Variants in MARCHF6 observed in about 807,000 individuals in gnomAD.
The protein encoded by MARCHF6 is E3 ubiquitin-protein ligase MARCHF6.
Under a neutral mutation model 133.7 loss-of-function variants are expected in MARCHF6, and 31 were observed. That is an observed-to-expected ratio of 0.23 (90% CI 0.17 to 0.31). The LOEUF (loss-of-function observed/expected upper bound fraction) is 0.31. MARCHF6 is among the 10% of genes least tolerant of loss of function. The pLI, the probability that MARCHF6 is intolerant of heterozygous loss-of-function variation, is 1.00. For synonymous variants in MARCHF6, 395 were observed against 402.5 expected, an observed-to-expected ratio of 0.98 and a Z score of 0.22; for missense variants, 723 against 1,121.6, an observed-to-expected ratio of 0.64 and a Z score of 5.08.
At chr5:10,392,054 G>A (rs920018648) in intron 7 of MARCHF6, among the ~76,000 whole-genome samples, 1 of 151,696 alleles carries the variant, frequency 6.6e-6, no homozygotes. Flanking sequence ...CGCCTCCTGG[G>A]TTCACGCCAT....
intron 18 of MARCHF6, among the ~76,000 whole-genome samples, chr5:10,410,669 T>C (rs1045813736): frequency 3.9e-5 from 6 of 152,286 alleles, no homozygotes; most frequent in African/African-American, 1.4e-4. Context: ...CTAGTGAACA[T>C]GTTGCATTTT....
At chr5:10,353,959 C>CCCGGGTTCGTACCCCGG (rs1482787223) in intron 1 of MARCHF6, 42 bp downstream of exon 1, 6 of 1,529,752 alleles carry the variant, frequency 3.9e-6, no homozygotes, top group Admixed American at 2.0e-5. Context: ...TGCGTCGGCG[C>CCCGGGTTCGTACCCCGG]CCGGGTTCGT....
chr5:10,364,376 G>A (rs1448806330), intron 1 of MARCHF6, among the ~76,000 whole-genome samples: 1 of 152,146 alleles, frequency 6.6e-6, no homozygotes, highest in South Asian at 2.1e-4. Context: ...CCTGGAGTGT[G>A]TTGGGTCCTC....
At chr5:10,365,423 C>T (rs1022741874) in intron 1 of MARCHF6, among the ~76,000 whole-genome samples, 6 of 152,232 alleles carry the variant, frequency 3.9e-5, no homozygotes, top group Admixed American at 3.3e-4. Flanking sequence ...GCCTCAGCCT[C>T]CCGAGTAGCT....
chr5:10,395,204 C>G (rs1327238394), intron 9 of MARCHF6, among the ~76,000 whole-genome samples: 1 of 152,062 alleles, frequency 6.6e-6, no homozygotes, highest in Non-Finnish European at 1.5e-5. Context: ...CTTTTAATTA[C>G]TTTATATGTT....
chr5:10,387,628 A>C (rs1393321429), intron 5 of MARCHF6, among the ~76,000 whole-genome samples: 1 of 152,006 alleles, frequency 6.6e-6, no homozygotes, highest in Non-Finnish European at 1.5e-5. Flanking sequence ...ATAGGCTGTC[A>C]CGCAGTTTGA....
rs375253933 is a variant in MARCHF6 at position 10,407,174 on chromosome 5, T to A, written c.1525T>A (p.Phe509Ile). ...IRIIKSVLPN[F>I]LPYNVMLYSD... The stretch of plus-strand genomic sequence containing the variant: ...TATAATTAAGAGTGTGCTGCCTAAT[T>A]TTCTTCCATACAATGTCATGCTCTA... The change falls in exon 17 of 26, where the codon TTT (phenylalanine) becomes ATT (isoleucine). Residue 509 changes from phenylalanine (F) to isoleucine (I), a missense_variant. Coordinates refer to ENST00000274140, the MANE Select transcript of MARCHF6 (RefSeq NM_005885.4). 1.2e-6 allele frequency: 2 copies of A among 1,612,128 alleles called. No individual in the cohort carries two copies. Among genetic ancestry groups the A allele is most frequent in the Non-Finnish European group, 1.7e-6 (2 of 1,178,758 alleles).
chr5:10,362,014 C>T (rs540187141), intron 1 of MARCHF6, among the ~76,000 whole-genome samples: 63 of 152,208 alleles, frequency 4.1e-4, no homozygotes, highest in Admixed American at 1.8e-3. Flanking sequence ...CCGCCCACCT[C>T]GGCCTCCCAA....
intron 22 of MARCHF6, among the ~76,000 whole-genome samples, chr5:10,419,122 A>C (rs1739694236): frequency 6.6e-6 from 1 of 152,218 alleles, no homozygotes; most frequent in Non-Finnish European, 1.5e-5. Context: ...AATACAAAGA[A>C]GTACAGAACT....
Position 10,400,980 on chromosome 5 carries a change from C to CT in MARCHF6, c.972+144dup, listed in dbSNP as rs199736538. On this transcript the variant is annotated intron_variant, in intron 11 of 25. Transcript: ENST00000274140. The stretch of plus-strand genomic sequence containing the variant: ...AATAGTTAGGCAATACCGTCTCATT[C>CT]TTTTTTAAAAAAAATAACAGTGGCT... The CT allele has an allele frequency of 4.2e-3, 2,652 of 635,010 alleles. 15 individuals carry two copies. The highest frequency in any genetic ancestry group is 5.8e-3 in the Admixed American group (197 of 33,806). 39.3% of individuals were successfully genotyped at this position (635,010 alleles called of 1,614,324 possible). A position where few individuals can be genotyped will look rare whatever the true frequency, so the allele number is the denominator to read the frequency against.
rs541195519 is a variant in MARCHF6 at position 10,387,696 on chromosome 5, A to C, written c.407+630A>C. Among the ~76,000 whole-genome samples the C allele has an allele frequency of 3.3e-5, 5 of 152,056 alleles. No individual in the cohort carries two copies. The East Asian group carries it at 9.7e-4, about 29-fold the overall frequency. On this transcript the variant is annotated intron_variant, in intron 5 of 25. Coordinates refer to ENST00000274140, the MANE Select transcript of MARCHF6 (RefSeq NM_005885.4). ...TTTTTTGTTTTGTTTTTTTAAATGG[A>C]GCCTCGCTCTATTACCTGGGGTAGG...
chr5:10,375,374 G>A (rs180821108), intron 1 of MARCHF6, among the ~76,000 whole-genome samples: 8 of 152,338 alleles, frequency 5.3e-5, no homozygotes, highest in African/African-American at 1.7e-4. Flanking sequence ...ATTTCTTGCC[G>A]GGCCTTAGCT....
chr5:10,359,449 C>A (rs1735677916), intron 1 of MARCHF6, among the ~76,000 whole-genome samples: 1 of 151,942 alleles, frequency 6.6e-6, no homozygotes, highest in African/African-American at 2.4e-5. Context: ...TATTACAATA[C>A]ATATTGTAAG....
At chr5:10,404,031 C>CTTTATTTA (rs36021721) in intron 15 of MARCHF6, among the ~76,000 whole-genome samples, 33 of 143,440 alleles carry the variant, frequency 2.3e-4, no homozygotes, top group African/African-American at 7.0e-4. Context: ...GATGGATTAC[C>CTTTATTTA]TTTATTTATT....
chr5:10,417,902 C>CT (rs1180523882), intron 22 of MARCHF6, among the ~76,000 whole-genome samples: 1 of 151,672 alleles, frequency 6.6e-6, no homozygotes, highest in African/African-American at 2.4e-5. Context: ...AAAGTGCTTA[C>CT]TTTATAGGTT....
intron 15 of MARCHF6, among the ~76,000 whole-genome samples, 159 bp from the exon 16 acceptor site, chr5:10,405,399 T>C (rs1738824410): frequency 6.6e-6 from 1 of 152,176 alleles, no homozygotes; most frequent in Admixed American, 6.5e-5. Context: ...AGATTCTGGT[T>C]TAGGAACTTA....
At position 10,367,520 on chromosome 5, in the gene MARCHF6, T is replaced by G. The variant is rs574861486; in HGVS notation, c.20-10278T>G. Among the ~76,000 whole-genome samples the G allele has an allele frequency of 3.9e-5, 6 of 152,334 alleles. No homozygotes were observed. The South Asian group carries it at 1.2e-3, about 32-fold the overall frequency. On this transcript the variant is annotated intron_variant, in intron 1 of 25. Transcript: ENST00000274140. The stretch of plus-strand genomic sequence containing the variant: ...GAAGGTAAGTGGAGAGATTTTGAAG[T>G]CTTACATCAAAGAACTTTCAAGATA...
intron 1 of MARCHF6, among the ~76,000 whole-genome samples, chr5:10,365,343 C>T (rs1007418292): frequency 6.6e-6 from 1 of 151,984 alleles, no homozygotes; most frequent in Non-Finnish European, 1.5e-5. Flanking sequence ...TCTTGTTGCC[C>T]AGGCTGGAGT....
chr5:10,388,860 C>G (rs1342705412), intron 5 of MARCHF6, among the ~76,000 whole-genome samples: 1 of 152,124 alleles, frequency 6.6e-6, no homozygotes, highest in Non-Finnish European at 1.5e-5. Flanking sequence ...AGTTTGTCAC[C>G]AAATGTTTAA....
Sources: allele counts gnomAD v4.1 joint callset (sites outside exome capture counted in the v4.1 genomes callset), GRCh38; gene constraint gnomAD v4.1.1; transcripts MANE v1.5; gene names NCBI Gene and HGNC (gene_info 2026-07-23, HGNC 2026-07-21).